The following PHF19 variants were observed in gnomAD, a reference collection of about 807,000 sequenced individuals.
PHF19 encodes PHD finger protein 19.
In PHF19, 21 loss-of-function variants were observed where a neutral mutation model predicts 79.8. The observed-to-expected ratio is 0.26, with a 90% confidence interval of 0.19 to 0.38. PHF19 has a LOEUF of 0.38. Ranked by LOEUF, PHF19 falls within the 10% of genes least tolerant of loss-of-function variation. PHF19 has a pLI of 1.00. For synonymous variants in PHF19, 273 were observed against 296.3 expected (o/e 0.92, Z 0.81); for missense variants, 445 against 744.2 (o/e 0.60, Z 4.68).
At chr9:120,900,431 T>C in the PHF19 span, among the ~76,000 whole-genome samples, 2 of 152,238 alleles carry the variant, frequency 1.3e-5, no homozygotes, top group African/African-American at 4.8e-5. Flanking sequence ...TCAATCTACA[T>C]GTATGTGTTT....
upstream of PHF19, among the ~76,000 whole-genome samples, chr9:120,878,111 C>T (rs1458645057): frequency 6.6e-6 from 1 of 152,156 alleles, no homozygotes; most frequent in African/African-American, 2.4e-5. Context: ...AAAGGCAATT[C>T]ACAAAAGAGG....
intron 1 of PHF19, among the ~76,000 whole-genome samples, chr9:120,888,265 C>T (rs771041069): frequency 2.6e-5 from 4 of 152,154 alleles, no homozygotes; most frequent in Non-Finnish European, 5.9e-5. Context: ...TTTGAGCCAC[C>T]GCGCCTGGCC....
rs567813401 is a variant in PHF19 at position 120,866,721 on chromosome 9, T to A, written c.710+149A>T. On this transcript the variant is annotated intron_variant, in intron 7 of 14. Transcript: ENST00000373896. The surrounding 1 kb of genome is among the most constrained non-coding windows in gnomAD (Gnocchi z 5.2). ...CTGCATAGCTAGGGGATCCCCTACC[T>A]TGAGCTGCCTCCAGTAAACAGGTAG... The A allele has an allele frequency of 1.3e-5, 8 of 613,616 alleles. No homozygotes were observed. The East Asian group carries it at 1.9e-4, about 15-fold the overall frequency. The allele number at this position is 613,616 out of a possible 1,614,324, so 38.0% of individuals were successfully genotyped here.
At position 120,857,600 on chromosome 9, in the gene PHF19, A is replaced by C. The variant is rs2045389400; in HGVS notation, c.*344T>G. 1 of 235,690 alleles carries C rather than the reference A, an allele frequency of 4.2e-6. No homozygotes were observed. Among genetic ancestry groups the C allele is most frequent in the African/African-American group, 2.2e-5 (1 of 44,546 alleles). The allele number at this position is 235,690 out of a possible 1,614,324, so 14.6% of individuals were successfully genotyped here. A position where few individuals can be genotyped will look rare whatever the true frequency, so the allele number is the denominator to read the frequency against. Reference sequence around the variant, plus strand: ...GAACACACCCAGAAAGGGGCGAGAGAGGTCAAGGCACACAACTGGGGACAA... The same window carrying C: ...GAACACACCCAGAAAGGGGCGAGAGCGGTCAAGGCACACAACTGGGGACAA... On this transcript the variant is annotated 3_prime_UTR_variant, in exon 15 of 15. Transcript: ENST00000373896.
chr9:120,864,045 G>T lies in PHF19; in HGVS notation c.968+4C>A. 1 of 1,612,362 alleles carries T rather than the reference G, an allele frequency of 6.2e-7. No individual in the cohort carries two copies. The highest frequency in any genetic ancestry group is 8.5e-7 in the Non-Finnish European group (1 of 1,178,890). On this transcript the variant is annotated splice_donor_region_variant and intron_variant, in intron 10 of 14. Coordinates refer to ENST00000373896, the MANE Select transcript of PHF19 (RefSeq NM_015651.3). Reference sequence around the variant, plus strand: ...ACCACACTCCCTCCCCTCCCTGCACGCACCGGCTTTTATAACTGTTCAGAG... The same window carrying T: ...ACCACACTCCCTCCCCTCCCTGCACTCACCGGCTTTTATAACTGTTCAGAG...
At chr9:120,877,227 C>CG, upstream of PHF19, 1 of 150,326 alleles carries the variant, frequency 6.7e-6, no homozygotes, top group Non-Finnish European at 9.3e-6. Context: ...TCGGCGGGGG[C>CG]GGGGCGGGGC....
chr9:120,860,168 G>T lies in PHF19; in HGVS notation c.1322C>A (p.Thr441Asn). ...QSLKSASSGQ[T>N]FFSDVDSTDA... ...GGTGGAGTCGACATCTGAGAAGAAGGTCTGGCCTGAGCTGGCACTGAGAGG... is the reference window on the plus strand; with the variant it reads ...GGTGGAGTCGACATCTGAGAAGAAGTTCTGGCCTGAGCTGGCACTGAGAGG... The change falls in exon 14 of 15, where the codon ACC (threonine) becomes AAC (asparagine). Residue 441 changes from threonine (T) to asparagine (N), a missense_variant. Around this residue, in one of 5 missense-constraint regions of PHF19, gnomAD observed 125 missense variants for 180.5 expected, o/e 0.69. Coordinates refer to ENST00000373896, the MANE Select transcript of PHF19 (RefSeq NM_015651.3). The surrounding 1 kb of genome is among the most constrained non-coding windows in gnomAD (Gnocchi z 4.1). 6.3e-7 allele frequency: 1 copy of T among 1,592,364 alleles called. No individual in the cohort carries two copies.
chr9:120,883,553 G>A (rs2046219321), intron 1 of PHF19, among the ~76,000 whole-genome samples: 2 of 152,152 alleles, frequency 1.3e-5, no homozygotes, highest in African/African-American at 2.4e-5. Context: ...GAGCTCCGGA[G>A]TTCGAGCCCA....
the PHF19 span, among the ~76,000 whole-genome samples, chr9:120,901,624 G>T: frequency 6.6e-6 from 1 of 152,200 alleles, no homozygotes; most frequent in African/African-American, 2.4e-5. Flanking sequence ...GAGGGAAGGG[G>T]TTGCATGTAG....
chr9:120,867,021 G>C lies in PHF19; in HGVS notation c.615-56C>G. The C allele has an allele frequency of 9.8e-6, 10 of 1,021,740 alleles. No homozygotes were observed. In the South Asian group the frequency reaches 1.3e-4, roughly 13 times the overall value. 63.3% of individuals were successfully genotyped at this position (1,021,740 alleles called of 1,614,324 possible). A position where few individuals can be genotyped will look rare whatever the true frequency, so the allele number is the denominator to read the frequency against. ...GGACCACACCCCCAGTCAGGTATGA[G>C]CTTCGGCAACCTTTCCCAAGTTAAA... On this transcript the variant is annotated intron_variant, in intron 6 of 14. Coordinates refer to ENST00000373896, the MANE Select transcript of PHF19 (RefSeq NM_015651.3).
chr9:120,890,294 T>C (rs1373860300), intron 1 of PHF19, among the ~76,000 whole-genome samples: 3 of 135,542 alleles, frequency 2.2e-5, no homozygotes, highest in Non-Finnish European at 5.0e-5. Context: ...TTTTTTTTTT[T>C]TCCTGTTAAC....
At chr9:120,876,610 G>A (rs1205613504) in intron 1 of PHF19, among the ~76,000 whole-genome samples, 1 of 152,220 alleles carries the variant, frequency 6.6e-6, no homozygotes, top group Non-Finnish European at 1.5e-5. Context: ...GGGGCAGGAA[G>A]CGAGGATGAT....
At chr9:120,901,180 G>A in the PHF19 span, among the ~76,000 whole-genome samples, 1 of 146,340 alleles carries the variant, frequency 6.8e-6, no homozygotes, top group Non-Finnish European at 1.5e-5. Context: ...GAAACTGGAA[G>A]CAAATACCTG....
chr9:120,884,454 T>G (rs1016629526), intron 1 of PHF19, among the ~76,000 whole-genome samples: 10 of 152,222 alleles, frequency 6.6e-5, no homozygotes, highest in African/African-American at 2.4e-4. Context: ...GCCAAGGCTC[T>G]TGCTGGGCAT....
rs2045394712 is a variant in PHF19 at position 120,857,862 on chromosome 9, C to A, written c.*82G>T. The A allele has an allele frequency of 2.4e-6, 2 of 821,572 alleles. No individual in the cohort carries two copies. Among genetic ancestry groups the A allele is most frequent in the African/African-American group, 1.7e-5 (1 of 57,730 alleles). 50.9% of individuals were successfully genotyped at this position (821,572 alleles called of 1,614,324 possible). ...TCTGTCCTGCTTCCTTCTCCCACCC[C>A]AGCCTGGAGAAAGCTGGGGAGCCTA... On this transcript the variant is annotated 3_prime_UTR_variant, in exon 15 of 15. Coordinates refer to ENST00000373896, the MANE Select transcript of PHF19 (RefSeq NM_015651.3).
At position 120,857,939 on chromosome 9, in the gene PHF19, G is replaced by A. The variant is rs750693927; in HGVS notation, c.*5C>T. On this transcript the variant is annotated 3_prime_UTR_variant, in exon 15 of 15. Transcript: ENST00000373896. The stretch of plus-strand genomic sequence containing the variant: ...TTCAGGACCCCTGGCACCCCCGGGG[G>A]CTAGTCAGTAAGGGGTGGTCCCTTC... The A allele has an allele frequency of 6.5e-7, 1 of 1,549,678 alleles. No individual in the cohort carries two copies. Among genetic ancestry groups the A allele is most frequent in the Non-Finnish European group, 8.8e-7 (1 of 1,136,148 alleles).
At chr9:120,902,350 C>G in the PHF19 span, 1 of 152,136 alleles carries the variant, frequency 6.6e-6, no homozygotes, top group Admixed American at 6.5e-5. Flanking sequence ...TTGCCTCCCC[C>G]ACCCTTGAAT....
intron 6 of PHF19, chr9:120,868,901 G>C: frequency 1.0e-6 from 1 of 984,790 alleles, no homozygotes; most frequent in South Asian, 4.0e-5. Context: ...GCCCCCCGAG[G>C]CCCCGCCCTC....
At chr9:120,873,832 G>C (rs1474881458) in intron 3 of PHF19, 147 bp downstream of exon 3, 1 of 616,446 alleles carries the variant, frequency 1.6e-6, no homozygotes, top group Admixed American at 2.9e-5. Flanking sequence ...AACCAGATTT[G>C]ATCATCATCA....
Sources: allele counts gnomAD v4.1 joint callset (sites outside exome capture counted in the v4.1 genomes callset), GRCh38; gene constraint gnomAD v4.1.1; regional missense constraint gnomAD v4.1.1; non-coding constraint Gnocchi (gnomAD v3.1); transcripts MANE v1.5; gene names NCBI Gene and HGNC (gene_info 2026-07-23, HGNC 2026-07-21).